The following NLN variants were observed in gnomAD, a reference collection of about 807,000 sequenced individuals.
The protein encoded by NLN is neurolysin, mitochondrial.
Under a neutral mutation model 79.9 loss-of-function variants are expected in NLN, and 64 were observed. The observed-to-expected ratio is 0.80, with a 90% confidence interval of 0.65 to 0.99. NLN has a LOEUF of 0.99. Ranked by LOEUF, NLN falls within the 50% of genes least tolerant of loss-of-function variation. NLN has a pLI of 0.00. For missense variants in NLN, 835 were observed against 858.7 expected (o/e 0.97, Z 0.34); for synonymous variants, 267 against 296.6 (o/e 0.90, Z 1.02).
At chr5:65,782,012 A>C (rs1455147113) in intron 6 of NLN, among the ~76,000 whole-genome samples, 1 of 152,212 alleles carries the variant, frequency 6.6e-6, no homozygotes, top group Non-Finnish European at 1.5e-5. Context: ...ATAGGAAAAG[A>C]ATAACCGCAC....
At chr5:65,724,095 G>GT (rs1283586910) in intron 1 of NLN, among the ~76,000 whole-genome samples, 4 of 146,692 alleles carry the variant, frequency 2.7e-5, no homozygotes, top group South Asian at 4.4e-4. Flanking sequence ...ACATTGTGGG[G>GT]TTTTTTCCCT....
chr5:65,753,666 C>A (rs971302467), intron 1 of NLN, among the ~76,000 whole-genome samples: 10 of 149,590 alleles, frequency 6.7e-5, no homozygotes, highest in African/African-American at 2.2e-4. Flanking sequence ...AAAAAAAAAA[C>A]CTGAATATTA....
At chr5:65,757,485 G>A (rs373709346) in intron 1 of NLN, among the ~76,000 whole-genome samples, 1 of 152,118 alleles carries the variant, frequency 6.6e-6, no homozygotes, top group African/African-American at 2.4e-5. Flanking sequence ...GGTTGTTGGA[G>A]GACTGAGTGA....
chr5:65,772,680 G>GT (rs1387606512), intron 3 of NLN, among the ~76,000 whole-genome samples: 1 of 149,390 alleles, frequency 6.7e-6, no homozygotes, highest in Non-Finnish European at 1.5e-5. Context: ...TTGGGTTTTT[G>GT]TTTTTTTGGT....
chr5:65,763,063 G>A lies in NLN; in HGVS notation c.405G>A (p.Glu135=), dbSNP rs772212955. The part of the protein sequence containing the change: ...ADKRLSRFDI[E]MSMRGDIFER... Reference sequence around the variant, plus strand: ...AAAGACTTTCTCGTTTTGATATTGAGATGAGCATGAGAGGAGATATATTTG... The same window carrying A: ...AAAGACTTTCTCGTTTTGATATTGAAATGAGCATGAGAGGAGATATATTTG... The change falls in exon 3 of 13, where the codon GAG becomes GAA. Residue 135 remains glutamate (E), a synonymous_variant. Coordinates refer to ENST00000380985, the MANE Select transcript of NLN (RefSeq NM_020726.5). 1.2e-6 allele frequency: 2 copies of A among 1,613,790 alleles called. No individual in the cohort carries two copies. The highest frequency in any genetic ancestry group is 1.7e-6 in the Non-Finnish European group (2 of 1,179,784).
rs1208550398 is a variant in NLN, at chr5:65,792,519, G to T, written c.1391G>T (p.Ser464Ile). 6.2e-7 allele frequency: 1 copy of T among 1,614,032 alleles called. No individual in the cohort carries two copies. The highest frequency in any genetic ancestry group is 2.2e-5 in the East Asian group (1 of 44,898). Reference protein sequence around the residue: ...LQPGCLLPDGSRMMAVAALVV... With the variant: ...LQPGCLLPDGIRMMAVAALVV... The stretch of plus-strand genomic sequence containing the variant: ...CCTGGCTGCCTTCTGCCTGATGGAA[G>T]CCGGATGATGGCAGTGGCTGCCCTC... Residue 464 changes from serine to isoleucine, a missense_variant, in exon 9 of 13, where the codon AGC becomes ATC. Ser to Ile is a moderately radical substitution (Grantham distance 142). Transcript: ENST00000380985.
chr5:65,740,361 T>C (rs1000097906), intron 1 of NLN, among the ~76,000 whole-genome samples: 1 of 152,120 alleles, frequency 6.6e-6, no homozygotes, highest in African/African-American at 2.4e-5. Flanking sequence ...TCTTCCCCAT[T>C]AATTCACCCA....
At chr5:65,797,447 A>G (rs1760196490) in intron 9 of NLN, among the ~76,000 whole-genome samples, 1 of 152,208 alleles carries the variant, frequency 6.6e-6, no homozygotes, top group Non-Finnish European at 1.5e-5. Context: ...TGCTGTAGAT[A>G]AATGTACCCT....
chr5:65,809,642 G>T lies in NLN; in HGVS notation c.1655G>T (p.Gly552Val). 1 of 1,614,010 alleles carries T rather than the reference G, an allele frequency of 6.2e-7. No homozygotes were observed. The highest frequency in any genetic ancestry group is 8.5e-7 in the Non-Finnish European group (1 of 1,179,980). Residue 552 changes from glycine to valine, a missense_variant, in exon 10 of 13, where the codon GGA becomes GTA. By Grantham distance (109) the Gly-to-Val change is moderately radical. Transcript: ENST00000380985. Reference protein sequence around the residue: ...LRRLSKHYKDGSPIADDLLEK... With the variant: ...LRRLSKHYKDVSPIADDLLEK... ...AGATTGTCAAAACATTATAAAGATG[G>T]AAGCCCTATTGCAGACGATCTGCTT...
At chr5:65,817,351 C>T (rs1435946118) in intron 12 of NLN, among the ~76,000 whole-genome samples, 1 of 152,162 alleles carries the variant, frequency 6.6e-6, no homozygotes, top group Non-Finnish European at 1.5e-5. Context: ...TCTAACTGTT[C>T]TGCTAAATAA....
chr5:65,817,911 T>C (rs1392143231), intron 12 of NLN, among the ~76,000 whole-genome samples: 1 of 152,212 alleles, frequency 6.6e-6, no homozygotes, highest in Admixed American at 6.5e-5. Context: ...AAAGAGAATA[T>C]GAAATTTCCT....
chr5:65,758,893 T>A, intron 2 of NLN, 67 bp downstream of exon 2: 1 of 1,393,960 alleles, frequency 7.2e-7, no homozygotes, highest in Non-Finnish European at 9.9e-7. Context: ...TCATGCTTTC[T>A]GTCTTTCAGT....
chr5:65,768,933 A>G (rs538381001), intron 3 of NLN, among the ~76,000 whole-genome samples: 2 of 152,358 alleles, frequency 1.3e-5, no homozygotes, highest in African/African-American at 4.8e-5. Context: ...TAGGGCTTCT[A>G]CAAAAGAACT....
At chr5:65,727,357 A>G (rs1250449951) in intron 1 of NLN, among the ~76,000 whole-genome samples, 1 of 152,096 alleles carries the variant, frequency 6.6e-6, no homozygotes, top group Non-Finnish European at 1.5e-5. Flanking sequence ...GTTTGTAGAG[A>G]TAGGATCTTG....
rs137875971 is a variant in NLN, at chr5:65,817,944, G to A, written c.1981-4837G>A. ...CCTCTCCAGAAGGTTTTTACAAATG[G>A]CTTTAATTCTCTTCTCTGTCTCAGC... On this transcript the variant is annotated intron_variant, in intron 12 of 12. Transcript: ENST00000380985. Among the ~76,000 whole-genome samples, 207 of 152,278 alleles carry A rather than the reference G, an allele frequency of 1.4e-3. 1 individual carries two copies. Among genetic ancestry groups the A allele is most frequent in the Non-Finnish European group, 2.7e-3 (183 of 68,026 alleles).
intron 1 of NLN, 39 bp from the exon 2 acceptor site, chr5:65,758,527 AG>A (rs765968702): frequency 6.7e-7 from 1 of 1,489,670 alleles, no homozygotes; most frequent in South Asian, 1.2e-5. Flanking sequence ...TTGGACCAAC[AG>A]AAATCCCTAA....
At chr5:65,785,998 C>T (rs773818531) in intron 7 of NLN, 88 bp downstream of exon 7, 1 of 1,180,342 alleles carries the variant, frequency 8.5e-7, no homozygotes, top group Non-Finnish European at 1.2e-6. Context: ...CCTTTGAGGA[C>T]ATCCTACTTT....
At chr5:65,803,693 C>T (rs962860419) in intron 9 of NLN, among the ~76,000 whole-genome samples, 16 of 152,160 alleles carry the variant, frequency 1.1e-4, no homozygotes, top group African/African-American at 3.6e-4. Context: ...GAGGGTAGGG[C>T]TCCTGCCTGC....
intron 3 of NLN, among the ~76,000 whole-genome samples, chr5:65,774,055 GT>G (rs33910517): frequency 1.4e-3 from 202 of 140,336 alleles, no homozygotes; most frequent in East Asian, 2.6e-3. Context: ...AGAATTCAAA[GT>G]TTTTTTTTTT....
Sources: gnomAD v4.1 joint callset for allele counts (sites outside exome capture counted in the v4.1 genomes callset) on GRCh38, gnomAD v4.1.1 for gene constraint, MANE v1.5 for transcripts, NCBI Gene and HGNC (gene_info 2026-07-23, HGNC 2026-07-21) for gene names.